The following DCDC2 variants were observed in gnomAD, a reference collection of about 807,000 sequenced individuals.
The protein encoded by DCDC2 is doublecortin domain containing 2, also known as doublecortin domain-containing protein 2.
In DCDC2, 40 loss-of-function variants were observed where a neutral mutation model predicts 50.2. That is an observed-to-expected ratio of 0.80 (90% confidence interval 0.62 to 1.04). The LOEUF (loss-of-function observed/expected upper bound fraction) is 1.04. DCDC2 is among the 50% of genes least tolerant of loss of function. The pLI is 0.00. For synonymous variants in DCDC2, 234 were observed against 210.6 expected (o/e 1.11, Z -0.96); for missense variants, 570 against 581.9 (o/e 0.98, Z 0.21).
At chr6:24,356,026 G>A (rs918101496) in intron 1 of DCDC2, among the ~76,000 whole-genome samples, 2 of 152,036 alleles carry the variant, frequency 1.3e-5, no homozygotes, top group African/African-American at 4.8e-5. Flanking sequence ...TTAAACTATG[G>A]AATACAGAGT....
At chr6:24,290,239 C>G (rs1159678428) in intron 5 of DCDC2, among the ~76,000 whole-genome samples, 1 of 151,552 alleles carries the variant, frequency 6.6e-6, no homozygotes, top group Admixed American at 6.6e-5. Flanking sequence ...GTGATCCGCC[C>G]GCCTCGGCCT....
chr6:24,222,780 T>C (rs1261627509), intron 7 of DCDC2, among the ~76,000 whole-genome samples: 4 of 152,296 alleles, frequency 2.6e-5, no homozygotes, highest in African/African-American at 7.2e-5. Flanking sequence ...CATAAGGCAA[T>C]AGAATACGCT....
intron 7 of DCDC2, among the ~76,000 whole-genome samples, chr6:24,233,457 A>G (rs987687821): frequency 3.3e-5 from 5 of 152,226 alleles, no homozygotes; most frequent in Non-Finnish European, 7.3e-5. Context: ...TGTATACATT[A>G]TCGTCATCCC....
Position 24,357,448 on chromosome 6 carries a change from A to G in DCDC2, c.293+10T>C. The G allele has an allele frequency of 6.3e-7, 1 of 1,587,782 alleles. No individual in the cohort carries two copies. Among genetic ancestry groups the G allele is most frequent in the Non-Finnish European group, 8.6e-7 (1 of 1,165,538 alleles). On this transcript the variant is annotated intron_variant, in intron 1 of 9. Coordinates refer to ENST00000378454, the MANE Select transcript of DCDC2 (RefSeq NM_016356.5). Reference sequence around the variant, plus strand: ...CCTAAATGGGTGGGCGGTGGGGGAGACCGACTCACTTGAGTTTCTTGAAGG... The same window carrying G: ...CCTAAATGGGTGGGCGGTGGGGGAGGCCGACTCACTTGAGTTTCTTGAAGG...
chr6:24,336,254 G>C (rs1031300172), intron 2 of DCDC2, among the ~76,000 whole-genome samples: 6 of 152,162 alleles, frequency 3.9e-5, no homozygotes, highest in African/African-American at 1.4e-4. Context: ...AGCCCCACCA[G>C]AGATTTTGAA....
rs1331181294 is a variant in DCDC2, at chr6:24,172,988, A to AT, written c.*1741_*1742insA. ...CGACAAGAGCAAGACTTCATCTCAA[A>AT]AAATAATAATAATAATAATAATAAT... On this transcript the variant is annotated 3_prime_UTR_variant, in exon 10 of 10. Coordinates refer to ENST00000378454, the MANE Select transcript of DCDC2 (RefSeq NM_016356.5). The AT allele has an allele frequency of 5.2e-5, 7 of 134,002 alleles. No homozygotes were observed. Among genetic ancestry groups the AT allele is most frequent in the African/African-American group, 1.8e-4 (5 of 27,662 alleles). 8.3% of individuals were successfully genotyped at this position (134,002 alleles called of 1,614,324 possible). A position where few individuals can be genotyped will look rare whatever the true frequency, so the allele number is the denominator to read the frequency against.
chr6:24,249,334 A>C (rs1440289119), intron 7 of DCDC2, among the ~76,000 whole-genome samples: 2 of 152,188 alleles, frequency 1.3e-5, no homozygotes, highest in Non-Finnish European at 1.5e-5. Context: ...TCTATTTGGG[A>C]ATCTGATAGT....
At chr6:24,219,886 A>T (rs1762061079) in intron 7 of DCDC2, among the ~76,000 whole-genome samples, 1 of 152,224 alleles carries the variant, frequency 6.6e-6, no homozygotes, top group East Asian at 1.9e-4. Flanking sequence ...GAGGGTGCTC[A>T]CAGCCCCTAG....
At chr6:24,186,475 G>A (rs779959352) in intron 8 of DCDC2, among the ~76,000 whole-genome samples, 10 of 152,092 alleles carry the variant, frequency 6.6e-5, no homozygotes, top group Non-Finnish European at 5.9e-5. Context: ...ACATACCTGC[G>A]TGCACATGCG....
At chr6:24,371,605 G>GA in the DCDC2 span, among the ~76,000 whole-genome samples, 1 of 150,826 alleles carries the variant, frequency 6.6e-6, no homozygotes, top group Non-Finnish European at 1.5e-5. Flanking sequence ...GACCTCATCT[G>GA]AAAAAAAAAT....
At chr6:24,232,006 C>T (rs11759157) in intron 7 of DCDC2, among the ~76,000 whole-genome samples, 2,588 of 63,658 alleles carry the variant, frequency 0.041, 66 homozygotes, top group African/African-American at 0.1. Context: ...TATATATATA[C>T]ACACACACAC....
At chr6:24,264,228 G>A (rs187713032) in intron 7 of DCDC2, among the ~76,000 whole-genome samples, 210 of 152,282 alleles carry the variant, frequency 1.4e-3, no homozygotes, top group African/African-American at 4.8e-3. Context: ...TACAAGAAAT[G>A]CTAAACGTAG....
chr6:24,238,917 T>C (rs1397625337), intron 7 of DCDC2, among the ~76,000 whole-genome samples: 2 of 152,156 alleles, frequency 1.3e-5, no homozygotes, highest in Admixed American at 1.3e-4. Flanking sequence ...CCTCAAGGTG[T>C]GCAAGCAACT....
intron 7 of DCDC2, among the ~76,000 whole-genome samples, chr6:24,273,853 C>T (rs536781895): frequency 2.4e-4 from 36 of 152,350 alleles, no homozygotes; most frequent in Middle Eastern, 3.4e-3. Flanking sequence ...GGCAGTCACC[C>T]AACAAGGTCA....
chr6:24,330,510 A>C (rs947402771), intron 2 of DCDC2, among the ~76,000 whole-genome samples: 4 of 152,224 alleles, frequency 2.6e-5, no homozygotes, highest in African/African-American at 9.6e-5. Context: ...TTGGCCTCTA[A>C]AACTATCAGA....
intron 6 of DCDC2, 44 bp downstream of exon 6, chr6:24,288,808 T>C (rs772636702): frequency 4.5e-6 from 7 of 1,549,064 alleles, no homozygotes; most frequent in African/African-American, 1.4e-5. Flanking sequence ...CTTTGTATCA[T>C]ATAAAAATAT....
At chr6:24,280,808 G>A (rs1444286812) in intron 6 of DCDC2, among the ~76,000 whole-genome samples, 1 of 152,072 alleles carries the variant, frequency 6.6e-6, no homozygotes, top group Non-Finnish European at 1.5e-5. Flanking sequence ...CCAAAGTGCT[G>A]GGATTTACAT....
At chr6:24,291,621 G>A (rs1763753000) in intron 4 of DCDC2, among the ~76,000 whole-genome samples, 1 of 150,016 alleles carries the variant, frequency 6.7e-6, no homozygotes, top group Admixed American at 6.6e-5. Context: ...AAGTAGCTGG[G>A]ACTACAGGCG....
intron 8 of DCDC2, among the ~76,000 whole-genome samples, chr6:24,191,824 A>G (rs74989431): frequency 0.026 from 4,016 of 152,300 alleles, 87 homozygotes; most frequent in African/African-American, 0.059. Context: ...TGGAAAGGGA[A>G]TATCAACCAC....
Sources: gnomAD v4.1 joint callset for allele counts (sites outside exome capture counted in the v4.1 genomes callset) on GRCh38, gnomAD v4.1.1 for gene constraint, MANE v1.5 for transcripts, NCBI Gene and HGNC (gene_info 2026-07-23, HGNC 2026-07-21) for gene names.